The following FRMD6 variants were observed in gnomAD, a reference collection of about 807,000 sequenced individuals.
FRMD6 encodes FERM domain containing 6.
FRMD6 carries 37 observed loss-of-function variants against 73.2 expected under a neutral mutation model. That is an observed-to-expected ratio of 0.51 (90% CI 0.39 to 0.66). The LOEUF is 0.66. Ranked by LOEUF, FRMD6 falls within the 30% of genes least tolerant of loss-of-function variation. The probability of loss-of-function intolerance (pLI) is 0.00; values close to 1 mark genes in which losing one functional copy is unlikely to be tolerated. For synonymous variants in FRMD6, 273 were observed against 282.2 expected (o/e 0.97, Z 0.33); for missense variants, 714 against 780.5 (o/e 0.91, Z 1.02).
rs556444729 is a variant in FRMD6, at chr14:51,725,058, G to C, written c.1493-721G>C. 8.5e-5 allele frequency among the ~76,000 whole-genome samples: 13 copies of C among 152,270 alleles called. No individual in the cohort carries two copies. In the South Asian group the frequency reaches 2.7e-3, roughly 32 times the overall value. On this transcript the variant is annotated intron_variant, in intron 12 of 13. Transcript: ENST00000344768. The stretch of plus-strand genomic sequence containing the variant: ...CCTCCCAGTTTGTCTCCTCCCAGGG[G>C]GATCTGCTGCAGGAGGTATGTGCCA...
intron 1 of FRMD6, among the ~76,000 whole-genome samples, chr14:51,687,484 A>G (rs1326250369): frequency 6.6e-6 from 1 of 152,216 alleles, no homozygotes; most frequent in Non-Finnish European, 1.5e-5. Context: ...TGATAAAATC[A>G]TTTTAGAATT....
chr14:51,443,269 G>T, the FRMD6 span, among the ~76,000 whole-genome samples: 1 of 152,216 alleles, frequency 6.6e-6, no homozygotes, highest in South Asian at 2.1e-4. Flanking sequence ...GGGCAAGTCT[G>T]CTAAGGAAAA....
intron 2 of FRMD6, among the ~76,000 whole-genome samples, chr14:51,577,405 A>G (rs879601520): frequency 6.6e-6 from 1 of 152,146 alleles, no homozygotes; most frequent in Admixed American, 6.5e-5. Context: ...ATGATCATCA[A>G]ATTTAGCTGA....
the FRMD6 span, among the ~76,000 whole-genome samples, chr14:51,447,774 C>A: frequency 6.6e-6 from 1 of 152,236 alleles, no homozygotes; most frequent in Non-Finnish European, 1.5e-5. Context: ...CTACTCACAT[C>A]TGTTCCATTC....
the FRMD6 span, among the ~76,000 whole-genome samples, chr14:51,484,016 T>TTACA: frequency 6.6e-6 from 1 of 152,178 alleles, no homozygotes; most frequent in Non-Finnish European, 1.5e-5. Context: ...GCTATTTCCG[T>TTACA]TACACCATGT....
At chr14:51,702,044 GA>G (rs2140451276) in intron 4 of FRMD6, among the ~76,000 whole-genome samples, 1 of 152,042 alleles carries the variant, frequency 6.6e-6, no homozygotes, top group African/African-American at 2.4e-5. Context: ...GAGTAAACTA[GA>G]AGGCTACTTC....
chr14:51,635,464 G>C (rs748559030), intron 2 of FRMD6, among the ~76,000 whole-genome samples: 49 of 152,320 alleles, frequency 3.2e-4, no homozygotes, highest in Non-Finnish European at 4.0e-4. Flanking sequence ...CTGAATTACA[G>C]GAGCCCAAGT....
chr14:51,548,366 C>A (rs955094049), intron 1 of FRMD6, among the ~76,000 whole-genome samples: 1 of 152,276 alleles, frequency 6.6e-6, no homozygotes, highest in African/African-American at 2.4e-5. Flanking sequence ...CTTAATCGCC[C>A]ACAAGCTGTT....
chr14:51,594,395 C>G (rs183990110), intron 2 of FRMD6, among the ~76,000 whole-genome samples: 1 of 151,846 alleles, frequency 6.6e-6, no homozygotes, highest in African/African-American at 2.4e-5. Context: ...ATGGTGCGAT[C>G]TTGGCTCACG....
chr14:51,722,899 C>T (rs749530188), intron 12 of FRMD6, among the ~76,000 whole-genome samples: 7 of 152,208 alleles, frequency 4.6e-5, no homozygotes, highest in African/African-American at 9.7e-5. Flanking sequence ...TGATGTTCAT[C>T]GAGCCTCCTC....
chr14:51,508,219 C>T (rs1243449163), intron 1 of FRMD6, among the ~76,000 whole-genome samples: 1 of 152,194 alleles, frequency 6.6e-6, no homozygotes, highest in Non-Finnish European at 1.5e-5. Flanking sequence ...TGCTACTCTC[C>T]ATGTCCTTCC....
chr14:51,449,543 C>G, the FRMD6 span, among the ~76,000 whole-genome samples: 2 of 152,182 alleles, frequency 1.3e-5, no homozygotes, highest in African/African-American at 4.8e-5. Flanking sequence ...TCTGAAACAG[C>G]AGGAGGCCCT....
At chr14:51,714,214 A>G (rs1042670353) in intron 9 of FRMD6, 2 of 152,140 alleles carry the variant, frequency 1.3e-5, no homozygotes, top group Non-Finnish European at 2.9e-5. Context: ...TTGAGGATTA[A>G]ATGAGTGGAT....
At chr14:51,513,993 A>G (rs914904198) in intron 1 of FRMD6, among the ~76,000 whole-genome samples, 5 of 152,232 alleles carry the variant, frequency 3.3e-5, no homozygotes, top group African/African-American at 1.2e-4. Context: ...CATGAGAAGA[A>G]TAATTCTTAC....
At chr14:51,473,985 T>C in the FRMD6 span, among the ~76,000 whole-genome samples, 4 of 152,168 alleles carry the variant, frequency 2.6e-5, no homozygotes, top group African/African-American at 4.8e-5. Flanking sequence ...ACGTATCACA[T>C]TATCTCATTT....
At chr14:51,472,192 G>A in the FRMD6 span, among the ~76,000 whole-genome samples, 1 of 152,192 alleles carries the variant, frequency 6.6e-6, no homozygotes, top group Non-Finnish European at 1.5e-5. Context: ...GCACAATGAA[G>A]GTTAAAGAGC....
At chr14:51,413,607 T>C in the FRMD6 span, among the ~76,000 whole-genome samples, 4 of 152,224 alleles carry the variant, frequency 2.6e-5, no homozygotes, top group Non-Finnish European at 5.9e-5. Context: ...TGAATAGTGC[T>C]GCAATAAACA....
intron 2 of FRMD6, among the ~76,000 whole-genome samples, chr14:51,604,140 C>T (rs931651336): frequency 3.9e-5 from 6 of 152,108 alleles, no homozygotes; most frequent in East Asian, 1.9e-4. Flanking sequence ...AGTGAGAGAC[C>T]GCTAGATTGC....
At chr14:51,701,201 A>T (rs758069486) in intron 4 of FRMD6, 42 bp downstream of exon 4, 158 of 1,214,978 alleles carry the variant, frequency 1.3e-4, no homozygotes, top group East Asian at 2.6e-4. Flanking sequence ...GATTTTTTTT[A>T]AAAAATGTTT....
Sources: gnomAD v4.1 joint callset for allele counts (sites outside exome capture counted in the v4.1 genomes callset) on GRCh38, gnomAD v4.1.1 for gene constraint, MANE v1.5 for transcripts, NCBI Gene and HGNC (gene_info 2026-07-23, HGNC 2026-07-21) for gene names.